Variants in CACNA1B observed in about 807,000 individuals in gnomAD.
The protein encoded by CACNA1B is calcium voltage-gated channel subunit alpha1 B.
A neutral mutation model predicts 247.2 loss-of-function variants in CACNA1B; 70 were observed. That is an observed-to-expected ratio of 0.28 (90% CI 0.23 to 0.35). CACNA1B has a LOEUF of 0.35. Among genes scored for constraint, CACNA1B ranks in the 10% least tolerant of loss-of-function variants. The pLI, the probability that CACNA1B is intolerant of heterozygous loss-of-function variation, is 1.00. For missense variants in CACNA1B, 2,367 were observed against 3,197.4 expected (o/e 0.74, Z 6.26); for synonymous variants, 1,231 against 1,294.4 (o/e 0.95, Z 1.05).
At chr9:137,964,746 G>A (rs1418739835) in intron 10 of CACNA1B, among the ~76,000 whole-genome samples, 2 of 152,174 alleles carry the variant, frequency 1.3e-5, no homozygotes, top group Non-Finnish European at 2.9e-5. Context: ...TGCTGGAGAG[G>A]TGTTGTGGTC....
In CACNA1B at chr9:138,120,068, G is replaced by A. The variant is rs559408633; in HGVS notation, c.6031-97G>A. On this transcript the variant is annotated intron_variant, in intron 44 of 46. Transcript: ENST00000371372. The stretch of plus-strand genomic sequence containing the variant: ...TGAGACCAGGATGGGGGGCGTGTGG[G>A]CCTGCTGTCTGGCCTGCTCCACCAC... 8.8e-6 allele frequency: 9 copies of A among 1,024,942 alleles called. No homozygotes were observed. The African/African-American group carries it at 9.6e-5, about 11-fold the overall frequency. 63.5% of individuals were successfully genotyped at this position (1,024,942 alleles called of 1,614,324 possible). A position where few individuals can be genotyped will look rare whatever the true frequency, so the allele number is the denominator to read the frequency against.
intron 15 of CACNA1B, among the ~76,000 whole-genome samples, chr9:138,001,901 C>A (rs1244100043): frequency 6.6e-6 from 1 of 152,076 alleles, no homozygotes; most frequent in Admixed American, 6.6e-5. Context: ...CATTCAAGGC[C>A]TTAAGGAGCT....
chr9:138,062,210 A>G (rs549328991), intron 31 of CACNA1B, among the ~76,000 whole-genome samples: 3 of 151,782 alleles, frequency 2.0e-5, no homozygotes, highest in Admixed American at 6.6e-5. Flanking sequence ...TTTCCCCCCC[A>G]CACAGAGCTG....
chr9:138,030,507 G>A (rs567284383), intron 20 of CACNA1B, among the ~76,000 whole-genome samples: 3 of 152,092 alleles, frequency 2.0e-5, no homozygotes, highest in Admixed American at 6.5e-5. Flanking sequence ...GGAGTTTTGC[G>A]TCTGTATTCA....
At chr9:138,034,560 AGAGCTGGGTTTATT>A (rs1286763217) in intron 20 of CACNA1B, among the ~76,000 whole-genome samples, 2 of 149,636 alleles carry the variant, frequency 1.3e-5, no homozygotes, top group Non-Finnish European at 3.0e-5. Context: ...TTCACTAGGG[AGAGCTGGGTTTATT>A]GAGCCTTTAA....
At chr9:138,108,476 ACT>A (rs1016692167) in intron 39 of CACNA1B, among the ~76,000 whole-genome samples, 9 of 152,024 alleles carry the variant, frequency 5.9e-5, no homozygotes, top group African/African-American at 1.9e-4. Context: ...TTCTGTATAG[ACT>A]CTTCCAAAAA....
intron 20 of CACNA1B, among the ~76,000 whole-genome samples, chr9:138,037,835 G>A (rs1039820477): frequency 6.6e-5 from 10 of 152,206 alleles, no homozygotes; most frequent in Non-Finnish European, 2.9e-5. Flanking sequence ...CCATTGTGAA[G>A]TTCTCCACTG....
chr9:137,884,967 C>CG (rs1277968137), intron 3 of CACNA1B, among the ~76,000 whole-genome samples: 1 of 84,792 alleles, frequency 1.2e-5, no homozygotes, highest in African/African-American at 4.3e-5. Flanking sequence ...TCCCCCCCCC[C>CG]CTCCTCCCAC....
chr9:138,024,095 G>A (rs1486018024), intron 19 of CACNA1B, among the ~76,000 whole-genome samples: 2 of 152,252 alleles, frequency 1.3e-5, no homozygotes, highest in African/African-American at 2.4e-5. Context: ...ATTTAAGAAG[G>A]GAGGGCTTAA....
Position 137,999,267 on chromosome 9 carries a change from C to A in CACNA1B, c.1975-7500C>A, listed in dbSNP as rs80051333. Among the ~76,000 whole-genome samples, 81 of 152,154 alleles carry A rather than the reference C, an allele frequency of 5.3e-4. 1 individual carries two copies. In the East Asian group the frequency reaches 0.015, roughly 29 times the overall value. ...AAAAATAAAAAATGAATATTGCTGT[C>A]CTGCAGAGCACAACTTTGATATCAT... On this transcript the variant is annotated intron_variant, in intron 15 of 46. Coordinates refer to ENST00000371372, the MANE Select transcript of CACNA1B (RefSeq NM_000718.4).
Position 138,073,993 on chromosome 9 carries a change from C to G in CACNA1B, c.4792-8C>G. The G allele has an allele frequency of 6.2e-7, 1 of 1,610,410 alleles. No individual in the cohort carries two copies. Among genetic ancestry groups the G allele is most frequent in the Non-Finnish European group, 8.5e-7 (1 of 1,179,190 alleles). ...GTGCCTGTAGCTGACCGGCCCCTGT[C>G]TCCGCAGGCCCTGCCCTACGTGTGT... On this transcript the variant is annotated splice_region_variant and splice_polypyrimidine_tract_variant and intron_variant, in intron 33 of 46. Transcript: ENST00000371372. This position sits in a 1 kb window ranked among gnomAD's most constrained non-coding sequence, Gnocchi z 6.4.
At chr9:138,009,384 G>A (rs1157934078) in intron 16 of CACNA1B, among the ~76,000 whole-genome samples, 1 of 152,236 alleles carries the variant, frequency 6.6e-6, no homozygotes, top group Non-Finnish European at 1.5e-5. Flanking sequence ...GCAAAGAAGA[G>A]GCCCCAGGAC....
intron 15 of CACNA1B, among the ~76,000 whole-genome samples, chr9:138,000,238 A>G (rs933966934): frequency 2.0e-5 from 3 of 151,390 alleles, no homozygotes; most frequent in Non-Finnish European, 4.4e-5. Flanking sequence ...GGCTGGGACT[A>G]CAGGCGCCCG....
In CACNA1B at chr9:137,914,760, G is replaced by A; in HGVS notation, c.729G>A (p.Glu243=). The A allele has an allele frequency of 6.2e-7, 1 of 1,613,994 alleles. No homozygotes were observed. Among genetic ancestry groups the A allele is most frequent in the Non-Finnish European group, 8.5e-7 (1 of 1,179,884 alleles). Reference sequence around the variant, plus strand: ...TCATGTTTGCCATCATTGGCCTGGAGTTCTACATGGGCAAGTTCCACAAGG... The same window carrying A: ...TCATGTTTGCCATCATTGGCCTGGAATTCTACATGGGCAAGTTCCACAAGG... ...AILMFAIIGL[E]FYMGKFHKAC... is the part of the protein sequence containing the mutation. Residue 243 remains glutamate, a synonymous_variant, in exon 5 of 47, where the codon GAG becomes GAA. Coordinates refer to ENST00000371372, the MANE Select transcript of CACNA1B (RefSeq NM_000718.4). The surrounding 1 kb of genome is among the most constrained non-coding windows in gnomAD (Gnocchi z 4.3).
rs1054319502 is a variant in CACNA1B, at chr9:137,955,595, C to T, written c.1071-103C>T. On this transcript the variant is annotated intron_variant, in intron 7 of 46. Coordinates refer to ENST00000371372, the MANE Select transcript of CACNA1B (RefSeq NM_000718.4). The surrounding 1 kb of genome is among the most constrained non-coding windows in gnomAD (Gnocchi z 6.9). ...GCCTGAAGCAGCAGCCTGCAGCCTGCGTCTCCTGTCCCAGGCTTTCCCTGG... is the reference window on the plus strand; with the variant it reads ...GCCTGAAGCAGCAGCCTGCAGCCTGTGTCTCCTGTCCCAGGCTTTCCCTGG... The T allele has an allele frequency of 7.4e-5, 55 of 748,004 alleles. No homozygotes were observed. The East Asian group carries it at 8.2e-4, about 11-fold the overall frequency. 46.3% of individuals were successfully genotyped at this position (748,004 alleles called of 1,614,324 possible).
chr9:137,995,626 G>T (rs1589055311), intron 15 of CACNA1B, among the ~76,000 whole-genome samples: 1 of 152,210 alleles, frequency 6.6e-6, no homozygotes, highest in South Asian at 2.1e-4. Flanking sequence ...GCTAGGCAAA[G>T]ACTTCTTGAC....
intron 15 of CACNA1B, among the ~76,000 whole-genome samples, chr9:138,000,243 C>CAT (rs1958553129): frequency 6.6e-6 from 1 of 151,326 alleles, no homozygotes; most frequent in South Asian, 2.1e-4. Context: ...GGACTACAGG[C>CAT]GCCCGCCACT....
chr9:138,096,711 C>T (rs1589125913), intron 37 of CACNA1B, 100 bp downstream of exon 37: 2 of 1,270,924 alleles, frequency 1.6e-6, no homozygotes, highest in East Asian at 4.8e-5. Flanking sequence ...GTGAGCACCC[C>T]CTCAGGTTTT....
At chr9:138,000,291 G>C (rs939080227) in intron 15 of CACNA1B, among the ~76,000 whole-genome samples, 4 of 151,978 alleles carry the variant, frequency 2.6e-5, no homozygotes, top group Non-Finnish European at 5.9e-5. Context: ...GTAGAGACAG[G>C]GTTTCACCGT....
Sources: gnomAD v4.1 joint callset for allele counts (sites outside exome capture counted in the v4.1 genomes callset) on GRCh38, gnomAD v4.1.1 for gene constraint, Gnocchi (gnomAD v3.1) non-coding constraint, MANE v1.5 for transcripts, NCBI Gene and HGNC (gene_info 2026-07-23, HGNC 2026-07-21) for gene names.